The following FBXL2 variants were observed in gnomAD, a reference collection of about 807,000 sequenced individuals.
The protein encoded by FBXL2 is F-box and leucine rich repeat protein 2, also known as F-box/LRR-repeat protein 2.
In FBXL2, 38 loss-of-function variants were observed where a neutral mutation model predicts 69.2. That is an observed-to-expected ratio of 0.55 (90% CI 0.42 to 0.72). FBXL2 has a LOEUF of 0.72. Ranked by LOEUF, FBXL2 falls within the 30% of genes least tolerant of loss-of-function variation. FBXL2 has a pLI of 0.00. For synonymous variants in FBXL2, 192 were observed against 201.3 expected, an observed-to-expected ratio of 0.95 and a Z score of 0.39; for missense variants, 354 against 520.3, an observed-to-expected ratio of 0.68 and a Z score of 3.11.
At chr3:33,389,622 CA>C (rs1295253848), downstream of FBXL2, 4 of 152,166 alleles carry the variant, frequency 2.6e-5, no homozygotes, top group Admixed American at 2.0e-4. Context: ...AAAAGTTTTT[CA>C]ATAAATCTGT....
At chr3:33,407,862 T>C (rs547128657), downstream of FBXL2, among the ~76,000 whole-genome samples, 18 of 152,360 alleles carry the variant, frequency 1.2e-4, no homozygotes, top group East Asian at 3.5e-3. Context: ...TAATGTTCTG[T>C]GTTTATATTT....
At chr3:33,406,053 T>C (rs1005950522), downstream of FBXL2, among the ~76,000 whole-genome samples, 4 of 152,232 alleles carry the variant, frequency 2.6e-5, no homozygotes, top group Non-Finnish European at 4.4e-5. Context: ...AATAAACTTA[T>C]TGCATGGCAT....
Position 33,366,952 on chromosome 3 carries a change from T to G in FBXL2, c.290+2233T>G, listed in dbSNP as rs949001673. On this transcript the variant is annotated intron_variant, in intron 5 of 14. Coordinates refer to ENST00000484457, the MANE Select transcript of FBXL2 (RefSeq NM_012157.5). ...GACTCCATCTCAAAAATAAATAAAT[T>G]AAATAAAAAAACAATTTTAAAAAAT... is the stretch of plus-strand genomic sequence containing the variant. Among the ~76,000 whole-genome samples, 7 of 152,228 alleles carry G rather than the reference T, an allele frequency of 4.6e-5. No individual in the cohort carries two copies. In the South Asian group the frequency reaches 1.5e-3, roughly 32 times the overall value.
chr3:33,372,723 G>T (rs999798446), intron 5 of FBXL2: 3 of 340,248 alleles, frequency 8.8e-6, no homozygotes, highest in Non-Finnish European at 1.6e-5. Flanking sequence ...TGCCCCCTTG[G>T]TTCAAATTGA....
At chr3:33,381,683 G>C (rs892448500) in intron 13 of FBXL2, among the ~76,000 whole-genome samples, 1 of 151,328 alleles carries the variant, frequency 6.6e-6, no homozygotes, top group South Asian at 2.1e-4. Context: ...CATACACAGA[G>C]AGACACTTTT....
intron 14 of FBXL2, among the ~76,000 whole-genome samples, chr3:33,385,102 G>A (rs1462872262): frequency 6.6e-6 from 1 of 152,140 alleles, no homozygotes; most frequent in Non-Finnish European, 1.5e-5. Flanking sequence ...AACTCTCTTG[G>A]CTAATTTCCA....
At chr3:33,278,141 A>C (rs1254466062) in intron 1 of FBXL2, 1 of 152,102 alleles carries the variant, frequency 6.6e-6, no homozygotes, top group East Asian at 1.9e-4. Context: ...TAATTAGTGC[A>C]TTGTAAACGT....
intron 1 of FBXL2, among the ~76,000 whole-genome samples, chr3:33,296,818 G>A (rs1160876910): frequency 6.6e-6 from 1 of 152,088 alleles, no homozygotes; most frequent in African/African-American, 2.4e-5. Context: ...TCAAAATCTG[G>A]AAGTTTGCGT....
chr3:33,382,878 C>T (rs1174882761), intron 13 of FBXL2: 2 of 152,240 alleles, frequency 1.3e-5, no homozygotes, highest in African/African-American at 2.4e-5. Context: ...CCTTACCTCC[C>T]CAATTCCATC....
intron 13 of FBXL2, among the ~76,000 whole-genome samples, chr3:33,380,437 A>G (rs983436874): frequency 1.3e-5 from 2 of 151,684 alleles, no homozygotes; most frequent in African/African-American, 4.8e-5. Flanking sequence ...ACATGCCTAT[A>G]ATCCCAGCTA....
chr3:33,318,111 C>CTTTTG (rs140940372), intron 2 of FBXL2, among the ~76,000 whole-genome samples: 12,442 of 151,886 alleles, frequency 0.082, 562 homozygotes, highest in South Asian at 0.11. Context: ...CCCCAGACGT[C>CTTTTG]TTTTGTTTTG....
intron 12 of FBXL2, chr3:33,396,623 TG>T: frequency 2.5e-6 from 1 of 403,880 alleles, no homozygotes; most frequent in Non-Finnish European, 4.7e-6. Context: ...TGATAGTAAA[TG>T]GTTCTTACAA....
At chr3:33,373,731 GTGT>G in intron 8 of FBXL2, 27 bp downstream of exon 8, 1 of 1,614,174 alleles carries the variant, frequency 6.2e-7, no homozygotes, top group Admixed American at 1.7e-5. Flanking sequence ...ACAGCTGTTT[GTGT>G]TATGTGTCAG....
Position 33,297,644 on chromosome 3 carries a change from C to CTTTTTTTTTTTT in FBXL2, c.4-9_4-8insTTTTTTTTTTTT, listed in dbSNP as rs374976671. On this transcript the variant is annotated intron_variant, in intron 1 of 14. Coordinates refer to ENST00000484457, the MANE Select transcript of FBXL2 (RefSeq NM_012157.5). The stretch of plus-strand genomic sequence containing the variant: ...GATTAAAGAACATTTTCACAATTTC[C>CTTTTTTTTTTTT]TTTTTTTTTTTCTTTCCAGGTTTTC... The CTTTTTTTTTTTT allele has an allele frequency of 4.4e-6, 5 of 1,137,022 alleles. No individual in the cohort carries two copies. Among genetic ancestry groups the CTTTTTTTTTTTT allele is most frequent in the Non-Finnish European group, 4.8e-6 (4 of 824,958 alleles). The allele number at this position is 1,137,022 out of a possible 1,614,324, so 70.4% of individuals were successfully genotyped here.
At chr3:33,393,483 A>G in intron 12 of FBXL2, 1 of 1,585,510 alleles carries the variant, frequency 6.3e-7, no homozygotes. Flanking sequence ...AAAGAAAAGC[A>G]TTTTAACAGT....
chr3:33,392,622 G>C, downstream of FBXL2: 1 of 1,608,034 alleles, frequency 6.2e-7, no homozygotes, highest in African/African-American at 1.3e-5. Flanking sequence ...CATCTGGAAG[G>C]ATAAAGTAAA....
intron 1 of FBXL2, among the ~76,000 whole-genome samples, chr3:33,283,959 C>G (rs1323586097): frequency 6.6e-6 from 1 of 152,152 alleles, no homozygotes; most frequent in African/African-American, 2.4e-5. Context: ...ATTAGTCTTG[C>G]TAGCAGTCTA....
intron 2 of FBXL2, among the ~76,000 whole-genome samples, chr3:33,299,249 C>G (rs189138528): frequency 8.5e-5 from 13 of 152,162 alleles, no homozygotes; most frequent in Admixed American, 5.9e-4. Context: ...ACTGTGTTGC[C>G]CAGGCTGATC....
chr3:33,408,901 T>C, the FBXL2 span: 1 of 1,076,472 alleles, frequency 9.3e-7, no homozygotes, highest in South Asian at 1.4e-5. Context: ...AATGCATGAC[T>C]AACAGGATTC....
Sources: gnomAD v4.1 joint callset for allele counts (sites outside exome capture counted in the v4.1 genomes callset) on GRCh38, gnomAD v4.1.1 for gene constraint, MANE v1.5 for transcripts, NCBI Gene and HGNC (gene_info 2026-07-23, HGNC 2026-07-21) for gene names.